LYST: variants seen among roughly 807,000 people sequenced by gnomAD.
LYST encodes the protein lysosomal trafficking regulator.
A neutral mutation model predicts 413.6 loss-of-function variants in LYST; 192 were observed. That is an observed-to-expected ratio of 0.46 (90% CI 0.41 to 0.52). LYST has a LOEUF of 0.52. Ranked by LOEUF, LYST falls within the 20% of genes least tolerant of loss-of-function variation. The pLI, the probability that LYST is intolerant of heterozygous loss-of-function variation, is 0.00. For synonymous variants in LYST, 1,525 were observed against 1,567.3 expected (o/e 0.97, Z 0.64); for missense variants, 3,815 against 4,499.9 (o/e 0.85, Z 4.35).
chr1:235,766,642 C>T (rs1346847596), intron 20 of LYST, among the ~76,000 whole-genome samples: 1 of 152,164 alleles, frequency 6.6e-6, no homozygotes, highest in Admixed American at 6.5e-5. Context: ...CATCTGCATG[C>T]TTCACTTTCT....
intron 44 of LYST, among the ~76,000 whole-genome samples, chr1:235,704,301 T>C (rs1334604269): frequency 3.9e-5 from 6 of 152,330 alleles, no homozygotes; most frequent in Middle Eastern, 3.4e-3. Flanking sequence ...AGAATAGTAG[T>C]TCTGTTTCTA....
chr1:235,722,368 C>T (rs1241232100), intron 39 of LYST, among the ~76,000 whole-genome samples: 1 of 152,088 alleles, frequency 6.6e-6, no homozygotes, highest in Non-Finnish European at 1.5e-5. Context: ...TGAAGGGGGG[C>T]TAAGGGGCTT....
Position 235,741,515 on chromosome 1 carries a change from G to C in LYST, c.8265C>G (p.Ala2755=). 6.2e-7 allele frequency: 1 copy of C among 1,613,892 alleles called. No homozygotes were observed. The highest frequency in any genetic ancestry group is 8.5e-7 in the Non-Finnish European group (1 of 1,179,862). The change falls in exon 31 of 53, where the codon GCC becomes GCG. Residue 2755 remains alanine (A), a synonymous_variant. Coordinates refer to ENST00000389793, the MANE Select transcript of LYST (RefSeq NM_000081.4). ...TTTGCTTTCTCTCTTGTGCAGCGTGGGCTGGCGACAAAATATGCACTAGTA... is the reference window on the plus strand; with the variant it reads ...TTTGCTTTCTCTCTTGTGCAGCGTGCGCTGGCGACAAAATATGCACTAGTA... The part of the protein sequence containing the change: ...GRLLVHILSP[A]HAAQERKQIF...
intron 10 of LYST, among the ~76,000 whole-genome samples, chr1:235,798,621 GAA>G (rs1572293402): frequency 1.3e-5 from 1 of 76,088 alleles, no homozygotes; most frequent in African/African-American, 4.3e-5. Flanking sequence ...AAAAAACACT[GAA>G]AAAAGGAATC....
chr1:235,792,285 T>C (rs567663034), intron 11 of LYST, among the ~76,000 whole-genome samples, 160 bp from the exon 12 acceptor site: 1 of 152,116 alleles, frequency 6.6e-6, no homozygotes, highest in Non-Finnish European at 1.5e-5. Context: ...ACTTTCATTT[T>C]CTCGTAGCTG....
rs768190475 is a variant in LYST at position 235,751,216 on chromosome 1, T to C, written c.7774A>G (p.Ile2592Val). 2 of 1,613,748 alleles carry C rather than the reference T, an allele frequency of 1.2e-6. No individual in the cohort carries two copies. Among genetic ancestry groups the C allele is most frequent in the Non-Finnish European group, 1.7e-6 (2 of 1,179,698 alleles). The change falls in exon 28 of 53, where the codon ATT becomes GTT. Residue 2592 changes from isoleucine (I) to valine (V), a missense_variant. Physicochemically the swap from Ile to Val is conservative, Grantham distance 29 (BLOSUM62 3). Coordinates refer to ENST00000389793, the MANE Select transcript of LYST (RefSeq NM_000081.4). Reference sequence around the variant, plus strand: ...ATATGATTTCAATACTCGCCAGCAATGCTTTTCCGCTTTTGAACTACTGCA... The same window carrying C: ...ATATGATTTCAATACTCGCCAGCAACGCTTTTCCGCTTTTGAACTACTGCA... The part of the protein sequence containing the change: ...HHAVVQKRKS[I>V]AGPRKFPLAQ...
At chr1:235,828,851 T>A (rs905325726) in intron 3 of LYST, 2 of 744,828 alleles carry the variant, frequency 2.7e-6, no homozygotes, top group East Asian at 2.6e-4. Context: ...GTCATACAAA[T>A]ATATAAAAAT....
chr1:235,780,318 C>T (rs1669713504), intron 16 of LYST, among the ~76,000 whole-genome samples: 1 of 151,600 alleles, frequency 6.6e-6, no homozygotes, highest in Non-Finnish European at 1.5e-5. Flanking sequence ...GTGGGAGGAT[C>T]ATTTGAGCCC....
chr1:235,757,337 T>C lies in LYST; in HGVS notation c.7003A>G (p.Thr2335Ala), dbSNP rs1667135791. The change falls in exon 24 of 53, where the codon ACA becomes GCA. Residue 2335 changes from threonine (T) to alanine (A), a missense_variant. Around this residue, in one of 4 missense-constraint regions of LYST, gnomAD observed 771 missense variants for 837.1 expected, o/e 0.92. Coordinates refer to ENST00000389793, the MANE Select transcript of LYST (RefSeq NM_000081.4). Reference protein sequence around the residue: ...DVMDKLIQADTLLVLVNHPSP... With the variant: ...DVMDKLIQADALLVLVNHPSP... ...GGGTGGTTAACGAGGACCAAAAGTGTATCTGCTTGAATAAGCTTGTCCATC... is the reference window on the plus strand; with the variant it reads ...GGGTGGTTAACGAGGACCAAAAGTGCATCTGCTTGAATAAGCTTGTCCATC... The C allele has an allele frequency of 1.9e-6, 3 of 1,613,620 alleles. No individual in the cohort carries two copies. In the South Asian group the frequency reaches 3.3e-5, roughly 18 times the overall value.
chr1:235,699,650 C>T (rs915880453), intron 45 of LYST, among the ~76,000 whole-genome samples: 2 of 152,172 alleles, frequency 1.3e-5, no homozygotes, highest in Non-Finnish European at 2.9e-5. Context: ...TGAGGAATTG[C>T]CACACTGTCT....
chr1:235,734,433 TTATC>T, intron 32 of LYST, 46 bp downstream of exon 32: 3 of 1,417,040 alleles, frequency 2.1e-6, no homozygotes, highest in Non-Finnish European at 3.0e-6. Context: ...CAATCATTCT[TTATC>T]TATGATGGAA....
intron 3 of LYST, chr1:235,827,853 T>G: frequency 1.3e-6 from 1 of 789,590 alleles, no homozygotes; most frequent in South Asian, 5.8e-5. Flanking sequence ...TTACCATATA[T>G]ACAAAGAAAA....
In LYST at chr1:235,777,178, C is replaced by T. The variant is rs761246263; in HGVS notation, c.5345G>A (p.Ser1782Asn). The T allele has an allele frequency of 1.8e-5, 29 of 1,613,612 alleles. No individual in the cohort carries two copies. ...TAGATGATGAGGTTCTAATAAGATG[C>T]TCTGAACTTCTTTTGAGCTGAAGGG... ...QRPFSSKEVQ[S>N]ILLEPHHLKN... The change falls in exon 17 of 53, where the codon AGC (serine) becomes AAC (asparagine). Residue 1782 changes from serine (S) to asparagine (N), a missense_variant. By Grantham distance (46) the Ser-to-Asn change is conservative. Coordinates refer to ENST00000389793, the MANE Select transcript of LYST (RefSeq NM_000081.4).
At chr1:235,816,128 CAAAAAAAAAAAA>C (rs59556548) in intron 3 of LYST, among the ~76,000 whole-genome samples, 22 of 11,792 alleles carry the variant, frequency 1.9e-3, no homozygotes, top group Middle Eastern at 0.045. Flanking sequence ...GACTCCATCT[CAAAAAAAAAAAA>C]AAAAAAAAAA....
intron 28 of LYST, among the ~76,000 whole-genome samples, chr1:235,747,895 T>G (rs1185631277): frequency 6.6e-6 from 1 of 152,180 alleles, no homozygotes; most frequent in Non-Finnish European, 1.5e-5. Flanking sequence ...CCGGTAGATA[T>G]TTATCACTAT....
At chr1:235,829,286 A>G (rs1407351468) in intron 3 of LYST, 2 of 152,228 alleles carry the variant, frequency 1.3e-5, no homozygotes, top group South Asian at 4.1e-4. Context: ...TATGTTCCTT[A>G]GCTTACAGTG....
chr1:235,830,579 T>C, intron 2 of LYST, among the ~76,000 whole-genome samples, 155 bp from the exon 3 acceptor site: 1 of 152,262 alleles, frequency 6.6e-6, no homozygotes, highest in South Asian at 2.1e-4. Context: ...GGCATAGTTC[T>C]GACCTAGTCA....
At chr1:235,798,231 T>C (rs1475811669) in intron 10 of LYST, among the ~76,000 whole-genome samples, 1 of 152,132 alleles carries the variant, frequency 6.6e-6, no homozygotes, top group Non-Finnish European at 1.5e-5. Flanking sequence ...TGTAGTATTA[T>C]CCTGGATAAA....
rs1288255767 is a variant in LYST at position 235,693,393 on chromosome 1, C to T, written c.10658G>A (p.Ser3553Asn). The stretch of plus-strand genomic sequence containing the variant: ...TTGAATAAAGTTTACTGGAGGCTCA[C>T]TTTGTTTACTCTTCAACCTTAAAAT... ...DNILRLKSKQ[S>N]EPPVNFIQSS... Residue 3553 changes from serine (S) to asparagine (N), a missense_variant, in exon 47 of 53, where the codon AGT (serine) becomes AAT (asparagine). This residue lies in a region of LYST where 866 missense variants were observed against 1,156.0 expected (regional missense o/e 0.75). Transcript: ENST00000389793. The T allele has an allele frequency of 6.2e-7, 1 of 1,613,608 alleles. No individual in the cohort carries two copies. The highest frequency in any genetic ancestry group is 8.5e-7 in the Non-Finnish European group (1 of 1,179,492).
Sources: allele counts gnomAD v4.1 joint callset (sites outside exome capture counted in the v4.1 genomes callset), GRCh38; gene constraint gnomAD v4.1.1; regional missense constraint gnomAD v4.1.1; transcripts MANE v1.5; gene names NCBI Gene and HGNC (gene_info 2026-07-23, HGNC 2026-07-21).